Variants in TRAF2 observed in about 807,000 individuals in gnomAD.
TRAF2 encodes TNF receptor-associated factor 2.
TRAF2 carries 6 observed loss-of-function variants against 55.6 expected under a neutral mutation model. The observed-to-expected ratio is 0.11, with a 90% CI of 0.06 to 0.21. TRAF2 has a LOEUF of 0.21. TRAF2 is among the 10% of genes least tolerant of loss of function. The probability of loss-of-function intolerance (pLI) is 1.00; values close to 1 mark genes in which losing one functional copy is unlikely to be tolerated. For synonymous variants in TRAF2, 329 were observed against 276.3 expected (o/e 1.19, Z -1.89); for missense variants, 561 against 684.5 (o/e 0.82, Z 2.01).
intron 1 of TRAF2, among the ~76,000 whole-genome samples, chr9:136,892,275 A>G (rs1009824362): frequency 7.9e-5 from 12 of 151,782 alleles, no homozygotes; most frequent in Non-Finnish European, 1.6e-4. Flanking sequence ...CATCCTGGCT[A>G]ACACGGTGAA....
intron 1 of TRAF2, chr9:136,886,779 C>T (rs548038266): frequency 9.9e-6 from 2 of 202,224 alleles, no homozygotes; most frequent in African/African-American, 2.4e-5. Flanking sequence ...CGGGAACGCG[C>T]GCGGCCGTGC....
chr9:136,898,948 T>A lies in TRAF2; in HGVS notation c.188+20T>A, dbSNP rs1849751021. 1 of 1,584,812 alleles carries A rather than the reference T, an allele frequency of 6.3e-7. No individual in the cohort carries two copies. Among genetic ancestry groups the A allele is most frequent in the African/African-American group, 1.3e-5 (1 of 74,184 alleles). Reference sequence around the variant, plus strand: ...CCTCAGGTGCATGGGGCCTGCAGGCTGGGAGGAGGGGCAGGCAGGCTAGGC... The same window carrying A: ...CCTCAGGTGCATGGGGCCTGCAGGCAGGGAGGAGGGGCAGGCAGGCTAGGC... On this transcript the variant is annotated intron_variant, in intron 2 of 10. Transcript: ENST00000247668.
intron 5 of TRAF2, among the ~76,000 whole-genome samples, chr9:136,909,641 G>A (rs112159865): frequency 8.5e-5 from 13 of 152,310 alleles, no homozygotes; most frequent in African/African-American, 2.6e-4. Context: ...CATCTTCACC[G>A]GGGCCGTTGT....
At chr9:136,914,341 A>C (rs1317882921) in intron 6 of TRAF2, among the ~76,000 whole-genome samples, 1 of 152,144 alleles carries the variant, frequency 6.6e-6, no homozygotes, top group Non-Finnish European at 1.5e-5. Context: ...TGCTGCGCAC[A>C]TGCCAGGTTC....
At chr9:136,896,648 G>T (rs1242364850) in intron 1 of TRAF2, among the ~76,000 whole-genome samples, 2 of 151,938 alleles carry the variant, frequency 1.3e-5, no homozygotes, top group African/African-American at 4.8e-5. Flanking sequence ...GTCTCTCCCC[G>T]CTTTTTTTTT....
rs371188050 is a variant in TRAF2 at position 136,900,478 on chromosome 9, C to A, written c.324C>A (p.Pro108=). The part of the protein sequence containing the change: ...REVESLPAVC[P]SDGCTWKGTL... The stretch of plus-strand genomic sequence containing the variant: ...TGGAGAGCCTGCCGGCCGTCTGTCC[C>A]AGTGATGGATGCACCTGGAAGGGGA... Residue 108 remains proline, a synonymous_variant, in exon 4 of 11, where the codon CCC becomes CCA. Transcript: ENST00000247668. The A allele has an allele frequency of 1.9e-6, 3 of 1,613,812 alleles. No individual in the cohort carries two copies. Among genetic ancestry groups the A allele is most frequent in the Non-Finnish European group, 2.5e-6 (3 of 1,179,834 alleles).
rs1850253627 is a variant in TRAF2 at position 136,916,821 on chromosome 9, G to A, written c.678+206G>A. On this transcript the variant is annotated intron_variant, in intron 7 of 10. Transcript: ENST00000247668. Reference sequence around the variant, plus strand: ...CACTCCCTCCTGGTGGCATTGTAGTGCCTGGCTTTGACTGCCACCTGTCTC... The same window carrying A: ...CACTCCCTCCTGGTGGCATTGTAGTACCTGGCTTTGACTGCCACCTGTCTC... 11 of 583,366 alleles carry A rather than the reference G, an allele frequency of 1.9e-5. No homozygotes were observed. In the South Asian group the frequency reaches 1.9e-4, roughly 10 times the overall value. The allele number at this position is 583,366 out of a possible 1,614,324, so 36.1% of individuals were successfully genotyped here.
chr9:136,907,221 G>A (rs139166185), intron 4 of TRAF2, among the ~76,000 whole-genome samples: 41 of 152,360 alleles, frequency 2.7e-4, no homozygotes, highest in Non-Finnish European at 4.7e-4. Flanking sequence ...CTTAGCCTGC[G>A]GCACCGGCTC....
intron 1 of TRAF2, 166 bp from the exon 2 acceptor site, chr9:136,898,547 C>T (rs188811256): frequency 3.1e-6 from 3 of 982,338 alleles, no homozygotes; most frequent in African/African-American, 1.7e-5. Flanking sequence ...ACTAGAGGGT[C>T]TCCAAGGCTC....
chr9:136,893,048 G>GA lies in TRAF2; in HGVS notation c.-28-5663dup, dbSNP rs1478133305. On this transcript the variant is annotated intron_variant, in intron 1 of 10. Coordinates refer to ENST00000247668, the MANE Select transcript of TRAF2 (RefSeq NM_021138.4). Reference sequence around the variant, plus strand: ...GTAGCACGTCTCCACATGTCATGATGAATGTGCGCTGAGGGTGCAGTCCTG... The same window carrying GA: ...GTAGCACGTCTCCACATGTCATGATGAAATGTGCGCTGAGGGTGCAGTCCTG... Among the ~76,000 whole-genome samples the GA allele has an allele frequency of 2.6e-5, 4 of 152,312 alleles. No individual in the cohort carries two copies. In the East Asian group the frequency reaches 7.7e-4, roughly 29 times the overall value.
chr9:136,899,088 A>G (rs1849754677), intron 2 of TRAF2, among the ~76,000 whole-genome samples, 160 bp downstream of exon 2: 1 of 152,254 alleles, frequency 6.6e-6, no homozygotes, highest in Non-Finnish European at 1.5e-5. Context: ...CAAAGAATGT[A>G]AAATTAATAA....
At chr9:136,897,239 C>T (rs1400761975) in intron 1 of TRAF2, among the ~76,000 whole-genome samples, 1 of 152,208 alleles carries the variant, frequency 6.6e-6, no homozygotes, top group African/African-American at 2.4e-5. Context: ...GGATGATGCT[C>T]AGAGAAGCAG....
chr9:136,903,318 T>C (rs1309355491), intron 4 of TRAF2, among the ~76,000 whole-genome samples: 2 of 152,196 alleles, frequency 1.3e-5, no homozygotes, highest in Non-Finnish European at 2.9e-5. Context: ...ATAGCAGAAC[T>C]GAATTCCCCA....
intron 4 of TRAF2, among the ~76,000 whole-genome samples, chr9:136,905,558 C>A (rs1267897796): frequency 6.6e-6 from 1 of 152,148 alleles, no homozygotes; most frequent in African/African-American, 2.4e-5. Flanking sequence ...TACTTAATAC[C>A]ACAGAACTGT....
intron 2 of TRAF2, among the ~76,000 whole-genome samples, 164 bp downstream of exon 2, chr9:136,899,092 T>C (rs1213386296): frequency 6.6e-6 from 1 of 152,228 alleles, no homozygotes; most frequent in East Asian, 1.9e-4. Context: ...GAATGTAAAA[T>C]TAATAATTTT....
intron 1 of TRAF2, among the ~76,000 whole-genome samples, chr9:136,894,047 C>CT (rs11415604): frequency 0.78 from 90,745 of 116,802 alleles, 35,287 homozygotes; most frequent in East Asian, 0.85. Context: ...TGCGCCTGGC[C>CT]TTTTTTTTTT....
chr9:136,883,067 A>T (rs866854647), upstream of TRAF2, among the ~76,000 whole-genome samples: 8 of 152,116 alleles, frequency 5.3e-5, no homozygotes, highest in African/African-American at 1.9e-4. Context: ...ACGGGGTTTC[A>T]CCACCTTGGC....
intron 10 of TRAF2, among the ~76,000 whole-genome samples, chr9:136,924,874 G>A (rs1850485012): frequency 6.6e-6 from 1 of 152,022 alleles, no homozygotes; most frequent in Admixed American, 6.5e-5. Flanking sequence ...GAGTAGCTGG[G>A]ACTACAGGCA....
intron 6 of TRAF2, among the ~76,000 whole-genome samples, chr9:136,911,630 G>C (rs921872497): frequency 5.3e-5 from 8 of 152,072 alleles, no homozygotes; most frequent in African/African-American, 1.9e-4. Flanking sequence ...CAGGCTCTCT[G>C]AGAATGAATC....
Sources: gnomAD v4.1 joint callset for allele counts (sites outside exome capture counted in the v4.1 genomes callset) on GRCh38, gnomAD v4.1.1 for gene constraint, MANE v1.5 for transcripts, NCBI Gene and HGNC (gene_info 2026-07-23, HGNC 2026-07-21) for gene names.